The following SNX25 variants were observed in gnomAD, a reference collection of about 807,000 sequenced individuals.
SNX25 encodes sorting nexin-25.
Under a neutral mutation model 113.7 loss-of-function variants are expected in SNX25, and 62 were observed. The ratio of observed to expected loss-of-function variants is 0.55; its 90% CI spans 0.44 to 0.67. SNX25 has a LOEUF of 0.67. Ranked by LOEUF, SNX25 falls within the 30% of genes least tolerant of loss-of-function variation. The pLI is 0.00. For synonymous variants in SNX25, 421 were observed against 436.2 expected (o/e 0.97, Z 0.43); for missense variants, 1,014 against 1,161.0 (o/e 0.87, Z 1.84).
intron 7 of SNX25, among the ~76,000 whole-genome samples, chr4:185,319,193 C>CTTT (rs143650995): frequency 5.8e-4 from 50 of 85,914 alleles, no homozygotes; most frequent in South Asian, 7.9e-4. Context: ...TGAGAAAGTC[C>CTTT]TTTTTTTTTT....
chr4:185,210,035 C>T lies in SNX25; in HGVS notation c.209C>T (p.Ala70Val). The T allele has an allele frequency of 3.0e-6, 3 of 983,908 alleles. No individual in the cohort carries two copies. The highest frequency in any genetic ancestry group is 3.6e-6 in the Non-Finnish European group (3 of 829,408). 60.9% of individuals were successfully genotyped at this position (983,908 alleles called of 1,614,324 possible). A position where few individuals can be genotyped will look rare whatever the true frequency, so the allele number is the denominator to read the frequency against. Reference protein sequence around the residue: ...PVAVAALAAVALSFLGPGSGE... With the variant: ...PVAVAALAAVVLSFLGPGSGE... ...GCGGTGGCCGCACTCGCCGCCGTGGCCCTCTCCTTCCTGGGGCCCGGCAGC... is the reference window on the plus strand; with the variant it reads ...GCGGTGGCCGCACTCGCCGCCGTGGTCCTCTCCTTCCTGGGGCCCGGCAGC... The change falls in exon 1 of 19, where the codon GCC (alanine) becomes GTC (valine). Residue 70 changes from alanine to valine, a missense_variant. Transcript: ENST00000652585. This position sits in a 1 kb window ranked among gnomAD's most constrained non-coding sequence, Gnocchi z 4.4.
At chr4:185,245,858 A>G (rs1744791274) in intron 1 of SNX25, among the ~76,000 whole-genome samples, 1 of 152,150 alleles carries the variant, frequency 6.6e-6, no homozygotes, top group African/African-American at 2.4e-5. Flanking sequence ...CTCTTTGACT[A>G]TTGACGTATA....
chr4:185,346,272 G>C (rs1018569369), intron 12 of SNX25, among the ~76,000 whole-genome samples: 14 of 152,338 alleles, frequency 9.2e-5, no homozygotes, highest in South Asian at 4.2e-4. Flanking sequence ...GCCACCCTGC[G>C]TGGTGTGCAG....
At position 185,353,462 on chromosome 4, in the gene SNX25, C is replaced by G. The variant is rs376100552; in HGVS notation, c.2467-23C>G. 3 of 1,582,418 alleles carry G rather than the reference C, an allele frequency of 1.9e-6. No homozygotes were observed. In the African/African-American group the frequency reaches 4.0e-5, roughly 21 times the overall value. ...TTTTCTTGGATAAGTTATCTGCTTC[C>G]TATGACTTTGCTGTATTCCCAGGAG... On this transcript the variant is annotated intron_variant, in intron 14 of 18. Transcript: ENST00000652585.
In SNX25 at chr4:185,363,338, C is replaced by A. The variant is rs767390009; in HGVS notation, c.2935-47C>A. The A allele has an allele frequency of 3.2e-6, 5 of 1,585,792 alleles. No individual in the cohort carries two copies. Among genetic ancestry groups the A allele is most frequent in the Non-Finnish European group, 4.3e-6 (5 of 1,155,822 alleles). On this transcript the variant is annotated intron_variant, in intron 18 of 18. Coordinates refer to ENST00000652585, the MANE Select transcript of SNX25 (RefSeq NM_001378034.2). This position sits in a 1 kb window ranked among gnomAD's most constrained non-coding sequence, Gnocchi z 4.2. ...TGCAGATATTTATTTTGAATAAACC[C>A]TTGGAGAAAAACATTTTTCCACTTT...
intron 12 of SNX25, among the ~76,000 whole-genome samples, chr4:185,342,765 A>G (rs1322866280): frequency 6.6e-6 from 1 of 152,174 alleles, no homozygotes; most frequent in Non-Finnish European, 1.5e-5. Context: ...TCACATATAC[A>G]AGGGAGGCAG....
intron 2 of SNX25, among the ~76,000 whole-genome samples, chr4:185,253,473 CTTTT>C (rs1189589905): frequency 7.0e-6 from 1 of 142,906 alleles, no homozygotes; most frequent in Non-Finnish European, 1.5e-5. Flanking sequence ...TTCTTTTCTT[CTTTT>C]TTTTTTTTGA....
chr4:185,267,127 T>C lies in SNX25; in HGVS notation c.1063T>C (p.Ser355Pro). Residue 355 changes from serine to proline, a missense_variant, in exon 5 of 19, where the codon TCT becomes CCT. Ser to Pro is a moderately conservative substitution (Grantham distance 74). Transcript: ENST00000652585. ...EDFIKLINSN[S>P]DVEFLKQLRY... ...CTTCATCAAGCTCATTAACAGCAAC[T>C]CTGATGTGGAGTTCTTGAAGCAACT... 6.2e-7 allele frequency: 1 copy of C among 1,613,738 alleles called. No homozygotes were observed. The highest frequency in any genetic ancestry group is 8.5e-7 in the Non-Finnish European group (1 of 1,179,890).
At chr4:185,253,217 G>A (rs1407857975) in intron 2 of SNX25, among the ~76,000 whole-genome samples, 3 of 152,028 alleles carry the variant, frequency 2.0e-5, no homozygotes, top group Non-Finnish European at 2.9e-5. Flanking sequence ...TTTGTTCAGT[G>A]GTGTGTTCAA....
At chr4:185,346,975 A>G (rs11730401) in intron 13 of SNX25, among the ~76,000 whole-genome samples, 32,238 of 152,094 alleles carry the variant, frequency 0.21, 4,088 homozygotes, top group African/African-American at 0.35. Flanking sequence ...TTCCAGCACC[A>G]TAGATCAGTT....
intron 5 of SNX25, 21 bp downstream of exon 5, chr4:185,267,176 G>A (rs1003626043): frequency 1.2e-6 from 2 of 1,602,400 alleles, no homozygotes; most frequent in Admixed American, 1.7e-5. Flanking sequence ...TTCAATTATA[G>A]CACAGCAACA....
At chr4:185,239,178 CA>C (rs1344523748) in intron 1 of SNX25, among the ~76,000 whole-genome samples, 1 of 152,156 alleles carries the variant, frequency 6.6e-6, no homozygotes, top group African/African-American at 2.4e-5. Context: ...GGATCTGTCA[CA>C]TATATTAGAG....
chr4:185,312,590 T>C (rs2095039948), intron 7 of SNX25, among the ~76,000 whole-genome samples: 2 of 151,652 alleles, frequency 1.3e-5, no homozygotes, highest in Admixed American at 6.6e-5. Context: ...TGGCGCGATA[T>C]CGGCTCACTG....
chr4:185,329,484 A>T (rs77623668), intron 9 of SNX25, among the ~76,000 whole-genome samples: 4,310 of 152,300 alleles, frequency 0.028, 195 homozygotes, highest in African/African-American at 0.099. Flanking sequence ...GAAACTGGGC[A>T]TCCCCAAGAT....
At position 185,323,687 on chromosome 4, in the gene SNX25, AC is replaced by A. The variant is rs36102675; in HGVS notation, c.1639del (p.Leu547Ter). Reference protein sequence around the residue: ...FYKIQEDVYETLKDRYYPSFI... With the variant: ...FYKIQEDVYEXLKDRYYPSFI... Reference sequence around the variant, plus strand: ...CAAAATCCAGGAAGATGTTTATGAGACCCTAAAGGATAGGTATTACCCTTCA... The same window carrying A: ...CAAAATCCAGGAAGATGTTTATGAGACCTAAAGGATAGGTATTACCCTTCA... On this transcript the variant is annotated frameshift_variant, in exon 9 of 19. Transcript: ENST00000652585. LOFTEE classifies it high-confidence loss of function. The A allele has an allele frequency of 6.2e-7, 1 of 1,613,682 alleles. No individual in the cohort carries two copies. Among genetic ancestry groups the A allele is most frequent in the Non-Finnish European group, 8.5e-7 (1 of 1,179,748 alleles).
Position 185,362,652 on chromosome 4 carries a change from G to A in SNX25, c.2875G>A (p.Gly959Ser), listed in dbSNP as rs2095370523. Residue 959 changes from glycine (G) to serine (S), a missense_variant, in exon 18 of 19, where the codon GGT (glycine) becomes AGT (serine). Physicochemically the swap from Gly to Ser is moderately conservative, Grantham distance 56. Transcript: ENST00000652585. Reference sequence around the variant, plus strand: ...TGTTGGACAGCAAAATGCCCGCCACGGTATAATAAAAATATTCAATGCACT... The same window carrying A: ...TGTTGGACAGCAAAATGCCCGCCACAGTATAATAAAAATATTCAATGCACT... ...SLVGQQNARH[G>S]IIKIFNALQE... 1.2e-6 allele frequency: 2 copies of A among 1,613,972 alleles called. No individual in the cohort carries two copies. The highest frequency in any genetic ancestry group is 1.7e-6 in the Non-Finnish European group (2 of 1,179,990).
intron 1 of SNX25, among the ~76,000 whole-genome samples, chr4:185,237,150 A>G (rs201004221): frequency 6.6e-6 from 1 of 151,768 alleles, no homozygotes; most frequent in East Asian, 1.9e-4. Context: ...CTTGACTAAG[A>G]GGGAAAAAAA....
At chr4:185,344,221 AAAAAAT>A (rs1196264560) in intron 12 of SNX25, among the ~76,000 whole-genome samples, 1 of 151,348 alleles carries the variant, frequency 6.6e-6, no homozygotes, top group African/African-American at 2.4e-5. Context: ...ATTCCATTCC[AAAAAAT>A]AAAAATAAAA....
intron 1 of SNX25, among the ~76,000 whole-genome samples, chr4:185,212,741 A>T (rs935852175): frequency 6.6e-6 from 1 of 152,140 alleles, no homozygotes; most frequent in African/African-American, 2.4e-5. Flanking sequence ...GTGCTGTGGG[A>T]GCTGGACCAC....
Sources: gnomAD v4.1 joint callset for allele counts (sites outside exome capture counted in the v4.1 genomes callset) on GRCh38, gnomAD v4.1.1 for gene constraint, Gnocchi (gnomAD v3.1) non-coding constraint, MANE v1.5 for transcripts, NCBI Gene and HGNC (gene_info 2026-07-23, HGNC 2026-07-21) for gene names.